ATP2B2: variants seen among roughly 807,000 people sequenced by gnomAD.
The protein encoded by ATP2B2 is plasma membrane calcium-transporting ATPase 2.
In ATP2B2, 15 loss-of-function variants were observed where a neutral mutation model predicts 120.0. The observed-to-expected ratio is 0.12, with a 90% CI of 0.08 to 0.19. The LOEUF is 0.19. Ranked by LOEUF, ATP2B2 falls within the 10% of genes least tolerant of loss-of-function variation. The pLI is 1.00. For synonymous variants in ATP2B2, 694 were observed against 700.3 expected (o/e 0.99, Z 0.14); for missense variants, 1,045 against 1,719.8 (o/e 0.61, Z 6.94).
At chr3:10,524,712 T>C (rs923517571) in intron 3 of ATP2B2, among the ~76,000 whole-genome samples, 2 of 152,110 alleles carry the variant, frequency 1.3e-5, no homozygotes, top group African/African-American at 4.8e-5. Context: ...AGGACAGGTA[T>C]ACTATTTTCC....
intron 1 of ATP2B2, among the ~76,000 whole-genome samples, chr3:10,683,144 A>C (rs1281321419): frequency 6.9e-6 from 1 of 144,278 alleles, no homozygotes; most frequent in Non-Finnish European, 1.5e-5. Flanking sequence ...TTACTTTTTT[A>C]TTTTTTAATT....
At chr3:10,601,084 G>A (rs141009820) in intron 2 of ATP2B2, among the ~76,000 whole-genome samples, 134 of 152,322 alleles carry the variant, frequency 8.8e-4, no homozygotes, top group African/African-American at 3.1e-3. Flanking sequence ...CTGTGCACCA[G>A]GTCCGGCCTT....
rs930721462 is a variant in ATP2B2 at position 10,329,728 on chromosome 3, C to A, written c.3421-603G>T. On this transcript the variant is annotated intron_variant, in intron 22 of 22. Transcript: ENST00000360273. This position sits in a 1 kb window ranked among gnomAD's most constrained non-coding sequence, Gnocchi z 5.9. ...ATCAAACCAAAGGCAGCAAAGCAAACCAAAGCCAACCCAGGGCTTTCTGAG... is the reference window on the plus strand; with the variant it reads ...ATCAAACCAAAGGCAGCAAAGCAAAACAAAGCCAACCCAGGGCTTTCTGAG... 2.6e-5 allele frequency among the ~76,000 whole-genome samples: 4 copies of A among 152,150 alleles called. No homozygotes were observed. Among genetic ancestry groups the A allele is most frequent in the African/African-American group, 9.7e-5 (4 of 41,432 alleles).
At chr3:10,568,104 C>T (rs1473731813) in intron 2 of ATP2B2, among the ~76,000 whole-genome samples, 2 of 152,168 alleles carry the variant, frequency 1.3e-5, no homozygotes, top group African/African-American at 2.4e-5. Context: ...ACAAAGAGGG[C>T]GAGCCTGGTC....
intron 1 of ATP2B2, among the ~76,000 whole-genome samples, chr3:10,672,537 C>T (rs1383628402): frequency 1.3e-5 from 2 of 152,258 alleles, no homozygotes; most frequent in Non-Finnish European, 2.9e-5. Context: ...GCATTCCGCA[C>T]AAGGCAGTTT....
chr3:10,691,835 C>A (rs2071669130), intron 1 of ATP2B2, among the ~76,000 whole-genome samples: 1 of 152,112 alleles, frequency 6.6e-6, no homozygotes, highest in Non-Finnish European at 1.5e-5. Flanking sequence ...TCCATAGTTG[C>A]AGAAAGGGGT....
intron 3 of ATP2B2, among the ~76,000 whole-genome samples, chr3:10,514,579 G>C (rs1477014118): frequency 6.6e-6 from 1 of 152,174 alleles, no homozygotes; most frequent in Non-Finnish European, 1.5e-5. Context: ...TAGGGATCCT[G>C]AGGCCCACAG....
At chr3:10,486,419 C>T (rs2065673055) in intron 1 of ATP2B2, among the ~76,000 whole-genome samples, 1 of 151,624 alleles carries the variant, frequency 6.6e-6, no homozygotes, top group Non-Finnish European at 1.5e-5. Context: ...ACAGGGTGAT[C>T]TACAAAGCAC....
intron 2 of ATP2B2, among the ~76,000 whole-genome samples, chr3:10,558,946 C>T (rs922630626): frequency 1.3e-5 from 2 of 152,166 alleles, no homozygotes; most frequent in African/African-American, 4.8e-5. Context: ...GCTCCTGTCA[C>T]CTCCTCTGCT....
chr3:10,569,769 G>A (rs541476690), intron 2 of ATP2B2, among the ~76,000 whole-genome samples: 2 of 152,174 alleles, frequency 1.3e-5, no homozygotes, highest in South Asian at 4.2e-4. Flanking sequence ...ACTTGCTGAG[G>A]GTCAACAACC....
intron 17 of ATP2B2, among the ~76,000 whole-genome samples, 154 bp from the exon 18 acceptor site, chr3:10,345,729 C>A (rs964743875): frequency 7.2e-5 from 11 of 152,170 alleles, no homozygotes; most frequent in African/African-American, 2.7e-4. Context: ...ACTCTTCACG[C>A]TCCTCACAGA....
intron 1 of ATP2B2, among the ~76,000 whole-genome samples, chr3:10,498,900 A>C (rs1403034699): frequency 5.9e-5 from 9 of 152,206 alleles, no homozygotes; most frequent in Admixed American, 5.2e-4. Flanking sequence ...TAAGATGCCC[A>C]CAAGCAGGGC....
In ATP2B2 at chr3:10,402,206, C is replaced by T. The variant is rs752929307; in HGVS notation, c.540G>A (p.Arg180=). 6.2e-7 allele frequency: 1 copy of T among 1,614,212 alleles called. No homozygotes were observed. Among genetic ancestry groups the T allele is most frequent in the African/African-American group, 1.3e-5 (1 of 75,046 alleles). The part of the protein sequence containing the change: ...FNDWSKEKQF[R]GLQSRIEQEQ... ...CCTGCTCGATGCGGCTCTGCAGGCC[C>T]CGGAACTGTTTCTCTTTGCTCCAGT... The change falls in exon 4 of 23, where the codon CGG becomes CGA. Residue 180 remains arginine, a synonymous_variant. Coordinates refer to ENST00000360273, the MANE Select transcript of ATP2B2 (RefSeq NM_001001331.4). The surrounding 1 kb of genome is among the most constrained non-coding windows in gnomAD (Gnocchi z 4.9).
At chr3:10,551,944 T>A (rs2067678934) in intron 2 of ATP2B2, among the ~76,000 whole-genome samples, 1 of 152,254 alleles carries the variant, frequency 6.6e-6, no homozygotes, top group South Asian at 2.1e-4. Flanking sequence ...ACATTAACGC[T>A]GCTTTTGAAC....
intron 18 of ATP2B2, among the ~76,000 whole-genome samples, chr3:10,344,060 C>T (rs2060359788): frequency 6.6e-6 from 1 of 152,106 alleles, no homozygotes; most frequent in African/African-American, 2.4e-5. Context: ...ACAGCCCCTG[C>T]TCCTGGCTTT....
At chr3:10,598,414 A>G (rs1475521436) in intron 2 of ATP2B2, among the ~76,000 whole-genome samples, 1 of 152,254 alleles carries the variant, frequency 6.6e-6, no homozygotes, top group African/African-American at 2.4e-5. Context: ...AAGATTAAGA[A>G]GGATGACACA....
At chr3:10,339,172 C>A (rs1379047378) in intron 21 of ATP2B2, among the ~76,000 whole-genome samples, 4 of 152,178 alleles carry the variant, frequency 2.6e-5, no homozygotes, top group Non-Finnish European at 5.9e-5. Context: ...AGTTACTGGG[C>A]CCAGCCCCCA....
rs770350288 is a variant in ATP2B2 at position 10,400,935 on chromosome 3, C to T, written c.781+18G>A. 1.2e-5 allele frequency: 20 copies of T among 1,613,752 alleles called. No homozygotes were observed. Among genetic ancestry groups the T allele is most frequent in the Non-Finnish European group, 1.6e-5 (19 of 1,179,860 alleles). On this transcript the variant is annotated intron_variant, in intron 5 of 22. Coordinates refer to ENST00000360273, the MANE Select transcript of ATP2B2 (RefSeq NM_001001331.4). ...TGCATGGCGACGGGAATGGGCCCAA[C>T]ATCAGGCTGAAGCTCACCTGACAGC...
rs529025778 is a variant in ATP2B2 at position 10,502,872 on chromosome 3, C to T, written c.-320+2593G>A. ...CGAAGGGTCAAAGAGGGTAGTTGGG[C>T]ACCTGGTGGCCTGCCTTCTACCTCC... On this transcript the variant is annotated intron_variant, in intron 1 of 22. Transcript: ENST00000360273. Among the ~76,000 whole-genome samples, 185 of 152,322 alleles carry T rather than the reference C, an allele frequency of 1.2e-3. 1 individual carries two copies. The highest frequency in any genetic ancestry group is 6.9e-4 in the Non-Finnish European group (47 of 68,018).
Sources: allele counts gnomAD v4.1 joint callset (sites outside exome capture counted in the v4.1 genomes callset), GRCh38; gene constraint gnomAD v4.1.1; non-coding constraint Gnocchi (gnomAD v3.1); transcripts MANE v1.5; gene names NCBI Gene and HGNC (gene_info 2026-07-23, HGNC 2026-07-21).